Variants in ACO2 observed in about 807,000 individuals in gnomAD.
ACO2 encodes the protein aconitate hydratase, mitochondrial.
In ACO2, 31 loss-of-function variants were observed where a neutral mutation model predicts 84.5. The ratio of observed to expected loss-of-function variants is 0.37; its 90% CI spans 0.28 to 0.50. ACO2 has a LOEUF of 0.50. Ranked by LOEUF, ACO2 falls within the 20% of genes least tolerant of loss-of-function variation. The probability of loss-of-function intolerance (pLI) is 0.97; values close to 1 mark genes in which losing one functional copy is unlikely to be tolerated. For synonymous variants in ACO2, 414 were observed against 412.7 expected (o/e 1.00, Z -0.04); for missense variants, 685 against 1,029.3 (o/e 0.67, Z 4.58).
chr22:41,469,170 G>T lies in ACO2; in HGVS notation c.24G>T (p.Val8=). The change falls in exon 1 of 18, where the codon GTG becomes GTT. Residue 8 remains valine, a synonymous_variant. Coordinates refer to ENST00000216254, the MANE Select transcript of ACO2 (RefSeq NM_001098.3). The part of the protein sequence containing the change: MAPYSLL[V]TRLQKALGVR... ...AAATGGCGCCCTACAGCCTACTGGT[G>T]ACTCGGCTGCAGGTGAGCGAGCTCA... is the stretch of plus-strand genomic sequence containing the variant. The T allele has an allele frequency of 1.2e-6, 2 of 1,608,746 alleles. No homozygotes were observed. Among genetic ancestry groups the T allele is most frequent in the Non-Finnish European group, 1.7e-6 (2 of 1,177,384 alleles).
intron 15 of ACO2, 77 bp downstream of exon 15, chr22:41,526,530 A>G: frequency 6.7e-7 from 1 of 1,494,180 alleles, no homozygotes; most frequent in South Asian, 1.3e-5. Flanking sequence ...GGAGGACATT[A>G]GGGGAGTGGA....
chr22:41,497,244 T>G (rs907955455), intron 1 of ACO2, among the ~76,000 whole-genome samples: 1 of 151,778 alleles, frequency 6.6e-6, no homozygotes, highest in Admixed American at 6.6e-5. Context: ...AATTTTTGTG[T>G]TTTTAGTAGA....
intron 15 of ACO2, 126 bp downstream of exon 15, chr22:41,526,579 T>G: frequency 9.1e-7 from 1 of 1,095,770 alleles, no homozygotes; most frequent in Non-Finnish European, 1.3e-6. Flanking sequence ...AGGGGACTGC[T>G]GTGGAAGGGA....
chr22:41,523,047 C>T (rs1363046218), intron 10 of ACO2, 60 bp downstream of exon 10: 17 of 1,598,024 alleles, frequency 1.1e-5, no homozygotes, highest in East Asian at 4.5e-5. Flanking sequence ...TGCCTCCAGG[C>T]GGCACAAGCC....
intron 1 of ACO2, among the ~76,000 whole-genome samples, chr22:41,479,592 G>A (rs775484724): frequency 2.1e-4 from 32 of 152,184 alleles, no homozygotes; most frequent in Non-Finnish European, 3.8e-4. Context: ...CAGTTCAGTC[G>A]GCTCTGTGCC....
At position 41,528,953 on chromosome 22, in the gene ACO2, G is replaced by A. The variant is rs1156802530; in HGVS notation, c.*340G>A. On this transcript the variant is annotated 3_prime_UTR_variant, in exon 18 of 18. Coordinates refer to ENST00000216254, the MANE Select transcript of ACO2 (RefSeq NM_001098.3). ...TCTAGAGAACCTTTTGTTCTTGCAAGGAAAACAAGAATCCAAAACCAGTGA... is the reference window on the plus strand; with the variant it reads ...TCTAGAGAACCTTTTGTTCTTGCAAAGAAAACAAGAATCCAAAACCAGTGA... 7.8e-6 allele frequency: 4 copies of A among 513,034 alleles called. No homozygotes were observed. The highest frequency in any genetic ancestry group is 1.0e-5 in the Non-Finnish European group (3 of 290,600). 31.8% of individuals were successfully genotyped at this position (513,034 alleles called of 1,614,324 possible).
chr22:41,518,784 A>C (rs886804262), intron 8 of ACO2, among the ~76,000 whole-genome samples: 14 of 152,066 alleles, frequency 9.2e-5, no homozygotes, highest in Non-Finnish European at 2.1e-4. Context: ...AAAAAAAAAA[A>C]AAAATACAAA....
At chr22:41,527,442 G>A (rs988117086) in intron 16 of ACO2, 22 bp downstream of exon 16, 2 of 1,595,562 alleles carry the variant, frequency 1.3e-6, no homozygotes, top group East Asian at 2.2e-5. Flanking sequence ...TCTGTACCCA[G>A]GCCATCCTCA....
intron 1 of ACO2, among the ~76,000 whole-genome samples, chr22:41,472,030 C>T (rs2037951836): frequency 1.3e-5 from 2 of 152,122 alleles, no homozygotes; most frequent in South Asian, 4.1e-4. Flanking sequence ...TAGAACCCTG[C>T]CTGGTACTTA....
chr22:41,469,964 C>A (rs2037923474), intron 1 of ACO2, among the ~76,000 whole-genome samples: 1 of 152,166 alleles, frequency 6.6e-6, no homozygotes, highest in African/African-American at 2.4e-5. Context: ...CCTGCCCTCA[C>A]AGAACTTTAT....
chr22:41,524,415 C>T (rs1207128372), intron 12 of ACO2, among the ~76,000 whole-genome samples: 1 of 152,176 alleles, frequency 6.6e-6, no homozygotes, highest in African/African-American at 2.4e-5. Flanking sequence ...TGGCACATGG[C>T]CAGGCTCTCT....
intron 3 of ACO2, among the ~76,000 whole-genome samples, chr22:41,511,243 G>A (rs570924686): frequency 7.9e-5 from 12 of 152,288 alleles, no homozygotes; most frequent in African/African-American, 2.6e-4. Context: ...CACGATCTCG[G>A]CTCATTGCAT....
chr22:41,508,619 C>CT (rs1406965344), intron 3 of ACO2, among the ~76,000 whole-genome samples: 1 of 152,212 alleles, frequency 6.6e-6, no homozygotes, highest in Non-Finnish European at 1.5e-5. Context: ...GGGGGCCATT[C>CT]TTCTGTGAGT....
intron 6 of ACO2, 165 bp from the exon 7 acceptor site, chr22:41,517,362 T>C: frequency 1.6e-6 from 1 of 621,582 alleles, no homozygotes; most frequent in South Asian, 1.8e-5. Flanking sequence ...CCCAGGTTTT[T>C]ACCCAGGGCC....
At position 41,515,822 on chromosome 22, in the gene ACO2, T is replaced by C. The variant is rs750687436; in HGVS notation, c.740T>C (p.Val247Ala). The change falls in exon 6 of 18, where the codon GTG (valine) becomes GCG (alanine). Residue 247 changes from valine (V) to alanine (A), a missense_variant. Physicochemically the swap from Val to Ala is moderately conservative, Grantham distance 64. Around this residue, in one of 5 missense-constraint regions of ACO2, gnomAD observed 311 missense variants for 441.6 expected, o/e 0.70. Coordinates refer to ENST00000216254, the MANE Select transcript of ACO2 (RefSeq NM_001098.3). The surrounding 1 kb of genome is among the most constrained non-coding windows in gnomAD (Gnocchi z 5.8). Reference protein sequence around the residue: ...SLSGWSSPKDVILKVAGILTV... With the variant: ...SLSGWSSPKDAILKVAGILTV... ...TCCGGTTGGTCCTCACCCAAAGATG[T>C]GATCCTGAAGGTGGCAGGCATCCTC... The C allele has an allele frequency of 3.7e-6, 6 of 1,614,150 alleles. No individual in the cohort carries two copies. The highest frequency in any genetic ancestry group is 4.2e-6 in the Non-Finnish European group (5 of 1,180,022).
chr22:41,527,209 G>A lies in ACO2; in HGVS notation c.1954-79G>A. The A allele has an allele frequency of 2.5e-6, 4 of 1,603,114 alleles. No homozygotes were observed. The South Asian group carries it at 3.3e-5, about 13-fold the overall frequency. ...CAGGATGCCCAGGCGCCAGGTGGGTGAGGCCAGGCAGGTAGGGCCAGACAG... is the reference window on the plus strand; with the variant it reads ...CAGGATGCCCAGGCGCCAGGTGGGTAAGGCCAGGCAGGTAGGGCCAGACAG... On this transcript the variant is annotated intron_variant, in intron 15 of 17. Coordinates refer to ENST00000216254, the MANE Select transcript of ACO2 (RefSeq NM_001098.3).
Position 41,517,461 on chromosome 22 carries a change from G to T in ACO2, c.836-66G>T, listed in dbSNP as rs576454118. The T allele has an allele frequency of 6.9e-6, 9 of 1,312,990 alleles. No individual in the cohort carries two copies. The Admixed American group carries it at 1.6e-4, about 23-fold the overall frequency. The allele number at this position is 1,312,990 out of a possible 1,614,324, so 81.3% of individuals were successfully genotyped here. ...CCCTGGTGTGAAGATGCAGGTGGCC[G>T]CGTAGCAGGTGTGTGGGACCCTGGC... is the stretch of plus-strand genomic sequence containing the variant. On this transcript the variant is annotated intron_variant, in intron 6 of 17. Transcript: ENST00000216254.
intron 1 of ACO2, among the ~76,000 whole-genome samples, chr22:41,480,165 T>C (rs2038070528): frequency 6.6e-6 from 1 of 152,194 alleles, no homozygotes; most frequent in Non-Finnish European, 1.5e-5. Context: ...TGTGGGAAGA[T>C]GCTTCTCCTT....
chr22:41,521,100 A>G (rs564318439), intron 9 of ACO2, among the ~76,000 whole-genome samples: 5 of 152,218 alleles, frequency 3.3e-5, no homozygotes, highest in African/African-American at 1.2e-4. Context: ...AGAAAAGAAA[A>G]ATATGTTTAT....
Sources: gnomAD v4.1 joint callset for allele counts (sites outside exome capture counted in the v4.1 genomes callset) on GRCh38, gnomAD v4.1.1 for gene constraint, gnomAD v4.1.1 regional missense constraint, Gnocchi (gnomAD v3.1) non-coding constraint, MANE v1.5 for transcripts, NCBI Gene and HGNC (gene_info 2026-07-23, HGNC 2026-07-21) for gene names.